Variants in KLK13 observed in about 807,000 individuals in gnomAD.
KLK13 encodes the protein kallikrein related peptidase 13, also known as kallikrein-13.
KLK13 carries 19 observed loss-of-function variants against 22.4 expected under a neutral mutation model. The observed-to-expected ratio is 0.85, with a 90% CI of 0.59 to 1.24. The LOEUF is 1.24. Among genes scored for constraint, KLK13 ranks in the 50% most tolerant of loss-of-function variants. KLK13 has a pLI of 0.00. For missense variants in KLK13, 311 were observed against 347.9 expected (o/e 0.89, Z 0.84); for synonymous variants, 156 against 141.8 (o/e 1.10, Z -0.71).
chr19:51,057,317 A>G (rs1457001202), intron 4 of KLK13, among the ~76,000 whole-genome samples: 1 of 152,000 alleles, frequency 6.6e-6, no homozygotes, highest in East Asian at 1.9e-4. Flanking sequence ...ATAGTATCAT[A>G]CTCTTTCTCA....
At chr19:51,063,597 G>T (rs1246955817) in intron 1 of KLK13, 1 of 451,970 alleles carries the variant, frequency 2.2e-6, no homozygotes, top group South Asian at 1.6e-5. Flanking sequence ...TCGCCAGGTT[G>T]TTGAGGACTC....
intron 2 of KLK13, 126 bp downstream of exon 2, chr19:51,060,307 C>A: frequency 8.8e-7 from 1 of 1,137,414 alleles, no homozygotes; most frequent in Non-Finnish European, 1.2e-6. Flanking sequence ...AACCCCAAAC[C>A]TCATTCTCAC....
intron 1 of KLK13, 63 bp from the exon 2 acceptor site, chr19:51,060,682 T>G: frequency 7.2e-7 from 1 of 1,381,766 alleles, no homozygotes; most frequent in Non-Finnish European, 9.9e-7. Flanking sequence ...CCTGGGGTTG[T>G]GGTTTCTGGG....
At chr19:51,065,661 C>G (rs2091775630), upstream of KLK13, among the ~76,000 whole-genome samples, 2 of 152,018 alleles carry the variant, frequency 1.3e-5, no homozygotes. Context: ...CCACGAGGAG[C>G]GTCAGCCGCC....
At chr19:51,065,097 C>CCGGGGG, upstream of KLK13, 1 of 347,246 alleles carries the variant, frequency 2.9e-6, no homozygotes, top group Non-Finnish European at 5.7e-6. Context: ...GAGGGCAGGG[C>CCGGGGG]GGGCGGGGCC....
In KLK13 at chr19:51,056,645, CG is replaced by C; in HGVS notation, c.775del (p.Arg259ValfsTer15). 6.2e-7 allele frequency: 1 copy of C among 1,614,134 alleles called. No individual in the cohort carries two copies. Among genetic ancestry groups the C allele is most frequent in the Non-Finnish European group, 8.5e-7 (1 of 1,180,026 alleles). On this transcript the variant is annotated frameshift_variant, in exon 5 of 5. Coordinates refer to ENST00000595793, the MANE Select transcript of KLK13 (RefSeq NM_015596.3). LOFTEE classifies it low-confidence loss of function (END_TRUNC). ...GGTTTCATATTTTCGGATTGTTTCACGGATCCACAGGACGTATCTTGAGACA... is the reference window on the plus strand; with the variant it reads ...GGTTTCATATTTTCGGATTGTTTCACGATCCACAGGACGTATCTTGAGACA... ...TRVSRYVLWI[R>X]ETIRKYETQQ...
Position 51,065,079 on chromosome 19 carries a change from CGGGAG to C in KLK13, c.-17_-13del. 5 of 336,900 alleles carry C rather than the reference CGGGAG, an allele frequency of 1.5e-5. No homozygotes were observed. The highest frequency in any genetic ancestry group is 2.9e-5 in the Non-Finnish European group (5 of 173,330). The allele number at this position is 336,900 out of a possible 1,614,324, so 20.9% of individuals were successfully genotyped here. Reference sequence around the variant, plus strand: ...GCCAGGGGCCACATGGCTCCGGGATCGGGAGGGGAGGGCAGGGCGGGCGGGGCCTG... The same window carrying C: ...GCCAGGGGCCACATGGCTCCGGGATCGGGAGGGCAGGGCGGGCGGGGCCTG... On this transcript the variant is annotated 5_prime_UTR_variant, in exon 1 of 5. Coordinates refer to ENST00000595793, the MANE Select transcript of KLK13 (RefSeq NM_015596.3).
intron 4 of KLK13, among the ~76,000 whole-genome samples, chr19:51,057,140 C>A (rs1354865672): frequency 9.7e-6 from 1 of 102,972 alleles, no homozygotes; most frequent in African/African-American, 3.1e-5. Context: ...AAATCACCCC[C>A]TGCCCCACAC....
At chr19:51,059,148 G>A (rs556100550) in intron 3 of KLK13, among the ~76,000 whole-genome samples, 2 of 152,102 alleles carry the variant, frequency 1.3e-5, no homozygotes, top group East Asian at 3.9e-4. Context: ...GTCAGGGATT[G>A]CTAGGGAGAT....
At chr19:51,058,325 T>C (rs917460958) in intron 4 of KLK13, among the ~76,000 whole-genome samples, 3 of 152,254 alleles carry the variant, frequency 2.0e-5, no homozygotes, top group Non-Finnish European at 4.4e-5. Flanking sequence ...ACAGGGATCT[T>C]GGCAGCCACT....
chr19:51,056,604 A>G lies in KLK13; in HGVS notation c.817T>C (p.Leu273=). The G allele has an allele frequency of 6.2e-7, 1 of 1,614,198 alleles. No individual in the cohort carries two copies. ...RKYETQQQKW[L]KGPQ Reference sequence around the variant, plus strand: ...CTCAACTTTTATTGTGGGCCCTTCAACCATTTTTGCTGCTGGGTTTCATAT... The same window carrying G: ...CTCAACTTTTATTGTGGGCCCTTCAGCCATTTTTGCTGCTGGGTTTCATAT... Residue 273 remains leucine (L), a synonymous_variant, in exon 5 of 5, where the codon TTG becomes CTG. Coordinates refer to ENST00000595793, the MANE Select transcript of KLK13 (RefSeq NM_015596.3).
chr19:51,056,246 T>C lies in KLK13; in HGVS notation c.*341A>G. 1 of 267,780 alleles carries C rather than the reference T, an allele frequency of 3.7e-6. No individual in the cohort carries two copies. Among genetic ancestry groups the C allele is most frequent in the South Asian group, 5.8e-5 (1 of 17,156 alleles). 16.6% of individuals were successfully genotyped at this position (267,780 alleles called of 1,614,324 possible). A position where few individuals can be genotyped will look rare whatever the true frequency, so the allele number is the denominator to read the frequency against. The stretch of plus-strand genomic sequence containing the variant: ...ATTTATAGGACATATATTGTTGAGA[T>C]GGGCTGATGGAAATATTTAAGAATG... On this transcript the variant is annotated 3_prime_UTR_variant, in exon 5 of 5. Coordinates refer to ENST00000595793, the MANE Select transcript of KLK13 (RefSeq NM_015596.3).
At chr19:51,062,162 T>C (rs1323917860) in intron 1 of KLK13, among the ~76,000 whole-genome samples, 1 of 152,138 alleles carries the variant, frequency 6.6e-6, no homozygotes, top group African/African-American at 2.4e-5. Flanking sequence ...CTGAAGGGGC[T>C]AGTGGATAAT....
At chr19:51,064,193 G>T (rs996827087) in intron 1 of KLK13, among the ~76,000 whole-genome samples, 1 of 152,028 alleles carries the variant, frequency 6.6e-6, no homozygotes, top group African/African-American at 2.4e-5. Flanking sequence ...GGCTGAGTAT[G>T]AAGACAGAAT....
At chr19:51,065,183 T>G, upstream of KLK13, 1 of 680,248 alleles carries the variant, frequency 1.5e-6, no homozygotes. Flanking sequence ...CCTGAATGTC[T>G]CCTCGCCTCA....
chr19:51,056,373 T>C lies in KLK13; in HGVS notation c.*214A>G. ...TGTCTGGGTTGGGACATTCAGGTTG[T>C]TGAGATGTTTCAGGGATGCAACATC... On this transcript the variant is annotated 3_prime_UTR_variant, in exon 5 of 5. Transcript: ENST00000595793. The C allele has an allele frequency of 3.6e-6, 2 of 556,814 alleles. No homozygotes were observed. Among genetic ancestry groups the C allele is most frequent in the East Asian group, 3.0e-5 (1 of 32,822 alleles). 34.5% of individuals were successfully genotyped at this position (556,814 alleles called of 1,614,324 possible).
chr19:51,062,691 C>A (rs751951849), intron 1 of KLK13, among the ~76,000 whole-genome samples: 1 of 151,548 alleles, frequency 6.6e-6, no homozygotes, highest in Non-Finnish European at 1.5e-5. Context: ...TCACCAGCCT[C>A]AGTTTCCCCA....
chr19:51,060,111 A>C lies in KLK13; in HGVS notation c.240-18T>G, dbSNP rs2091713320. ...TGAGCCCCCTGTGGGTGCAGAAAGA[A>C]GGTGGTTAGGAAAGAAGATGAGCCC... On this transcript the variant is annotated intron_variant, in intron 2 of 4. Coordinates refer to ENST00000595793, the MANE Select transcript of KLK13 (RefSeq NM_015596.3). The C allele has an allele frequency of 1.2e-6, 2 of 1,612,076 alleles. No individual in the cohort carries two copies. Among genetic ancestry groups the C allele is most frequent in the South Asian group, 2.2e-5 (2 of 91,056 alleles).
At chr19:51,060,653 A>G in intron 1 of KLK13, 34 bp from the exon 2 acceptor site, 2 of 1,534,706 alleles carry the variant, frequency 1.3e-6, no homozygotes, top group Non-Finnish European at 1.8e-6. Flanking sequence ...GAAAACTGGG[A>G]TCCAGGGGGC....
Sources: allele counts gnomAD v4.1 joint callset (sites outside exome capture counted in the v4.1 genomes callset), GRCh38; gene constraint gnomAD v4.1.1; transcripts MANE v1.5; gene names NCBI Gene and HGNC (gene_info 2026-07-23, HGNC 2026-07-21).